Variants in FAM124A observed in about 807,000 individuals in gnomAD.
FAM124A encodes protein FAM124A.
In FAM124A, 23 loss-of-function variants were observed where a neutral mutation model predicts 24.5. The observed-to-expected ratio is 0.94, with a 90% CI of 0.68 to 1.33. The LOEUF (loss-of-function observed/expected upper bound fraction) is 1.33, where lower values mean the gene tolerates loss of function less well. FAM124A is among the 40% of genes most tolerant of loss of function. The pLI is 0.00. For missense variants in FAM124A, 623 were observed against 722.8 expected, an observed-to-expected ratio of 0.86 and a Z score of 1.58; for synonymous variants, 287 against 314.7, an observed-to-expected ratio of 0.91 and a Z score of 0.93.
intron 3 of FAM124A, among the ~76,000 whole-genome samples, chr13:51,275,832 C>G (rs1954881295): frequency 6.6e-6 from 1 of 152,232 alleles, no homozygotes; most frequent in African/African-American, 2.4e-5. Context: ...AAGCCGCAAA[C>G]ATGCTCATGC....
chr13:51,271,112 A>G lies in FAM124A; in HGVS notation c.835-9338A>G, dbSNP rs145699115. Reference sequence around the variant, plus strand: ...GGTTAATTGAAAGGACAAGTTCAACATACTTTAGCCAAGATAATTGTATAC... The same window carrying G: ...GGTTAATTGAAAGGACAAGTTCAACGTACTTTAGCCAAGATAATTGTATAC... On this transcript the variant is annotated intron_variant, in intron 3 of 3. Transcript: ENST00000322475. Among the ~76,000 whole-genome samples the G allele has an allele frequency of 2.6e-3, 398 of 152,384 alleles. 2 individuals carry two copies. Among genetic ancestry groups the G allele is most frequent in the South Asian group, 9.1e-3 (44 of 4,828 alleles).
chr13:51,251,556 G>A lies in FAM124A; in HGVS notation c.189G>A (p.Glu63=). ...CAGGGGAGTCCCAGCCCCTGCAGGA[G>A]GCCATCGACAACGTCCTGGCGTGGA... ...ADPGESQPLQ[E]AIDNVLAWIH... Residue 63 remains glutamate (E), a synonymous_variant, in exon 3 of 4, where the codon GAG becomes GAA. Transcript: ENST00000322475. This position sits in a 1 kb window ranked among gnomAD's most constrained non-coding sequence, Gnocchi z 5.3. 1 of 1,533,110 alleles carries A rather than the reference G, an allele frequency of 6.5e-7. No homozygotes were observed. The highest frequency in any genetic ancestry group is 8.8e-7 in the Non-Finnish European group (1 of 1,138,420). 95.0% of individuals were successfully genotyped at this position (1,533,110 alleles called of 1,614,324 possible). A position where few individuals can be genotyped will look rare whatever the true frequency, so the allele number is the denominator to read the frequency against.
intron 3 of FAM124A, among the ~76,000 whole-genome samples, chr13:51,274,558 A>G (rs1295618329): frequency 2.6e-5 from 4 of 152,168 alleles, no homozygotes; most frequent in Non-Finnish European, 5.9e-5. Context: ...AGATGTTGCT[A>G]CTGCTTTTCC....
rs1954928370 is a variant in FAM124A, at chr13:51,280,742, C to G, written c.1127C>G (p.Ser376Ter). 1.2e-6 allele frequency: 2 copies of G among 1,614,222 alleles called. No individual in the cohort carries two copies. The highest frequency in any genetic ancestry group is 1.7e-6 in the Non-Finnish European group (2 of 1,180,034). ...LPTGGPSLASSAEPQWFSNTG... is the reference protein window; with the variant it reads ...LPTGGPSLAS ...ACGGGAGGCCCCTCCCTGGCCTCCT[C>G]AGCTGAACCACAGTGGTTTTCAAAC... The change falls in exon 4 of 4, where the codon TCA becomes TGA. Residue 376 changes from serine (S) to a stop codon, truncating the protein, a stop_gained. Coordinates refer to ENST00000322475, the MANE Select transcript of FAM124A (RefSeq NM_001242312.2). LOFTEE classifies it low-confidence loss of function (END_TRUNC).
In FAM124A at chr13:51,239,778, G is replaced by T. The variant is rs193082686; in HGVS notation, c.100+8399G>T. On this transcript the variant is annotated intron_variant, in intron 2 of 3. Coordinates refer to ENST00000322475, the MANE Select transcript of FAM124A (RefSeq NM_001242312.2). ...CTCTCCCACAGACATGGATGAGAGT[G>T]TCATAAAAATTGTGATTTTATGTAC... 1.4e-3 allele frequency among the ~76,000 whole-genome samples: 220 copies of T among 152,306 alleles called. 1 individual carries two copies. The highest frequency in any genetic ancestry group is 5.1e-3 in the African/African-American group (211 of 41,576).
intron 3 of FAM124A, among the ~76,000 whole-genome samples, chr13:51,277,153 G>C (rs1483510159): frequency 6.6e-6 from 1 of 152,126 alleles, no homozygotes; most frequent in East Asian, 1.9e-4. Context: ...ACTATAAAAA[G>C]GAATGAAATC....
At chr13:51,275,987 A>C (rs1954882705) in intron 3 of FAM124A, among the ~76,000 whole-genome samples, 3 of 152,242 alleles carry the variant, frequency 2.0e-5, no homozygotes, top group Non-Finnish European at 2.9e-5. Flanking sequence ...CTCTAAGTGC[A>C]CAGACACTGG....
chr13:51,267,260 G>A (rs1210425296), intron 3 of FAM124A, among the ~76,000 whole-genome samples: 1 of 152,062 alleles, frequency 6.6e-6, no homozygotes, highest in Non-Finnish European at 1.5e-5. Context: ...ACCCTCCTGT[G>A]GAAGAAATGA....
At chr13:51,232,957 T>C (rs17252076) in intron 2 of FAM124A, among the ~76,000 whole-genome samples, 18,643 of 152,218 alleles carry the variant, frequency 0.12, 1,339 homozygotes, top group East Asian at 0.27. Flanking sequence ...GGAATTTCTA[T>C]TAGTGCAGCT....
At chr13:51,243,258 T>TA (rs1954519620) in intron 2 of FAM124A, among the ~76,000 whole-genome samples, 1 of 152,068 alleles carries the variant, frequency 6.6e-6, no homozygotes, top group Admixed American at 6.5e-5. Flanking sequence ...ATTGGTGGAG[T>TA]AAGGGAGTTG....
chr13:51,278,211 T>C (rs1954902466), intron 3 of FAM124A, among the ~76,000 whole-genome samples: 1 of 152,138 alleles, frequency 6.6e-6, no homozygotes, highest in Non-Finnish European at 1.5e-5. Context: ...AGGGGGAGGC[T>C]TCCATGCGAG....
chr13:51,249,285 T>G (rs1021057871), intron 2 of FAM124A, among the ~76,000 whole-genome samples: 1 of 152,208 alleles, frequency 6.6e-6, no homozygotes, highest in Admixed American at 6.5e-5. Context: ...TAAGTTGGAA[T>G]TGCTCTATGC....
intron 3 of FAM124A, among the ~76,000 whole-genome samples, chr13:51,259,851 T>A (rs1288549058): frequency 6.6e-6 from 1 of 152,012 alleles, no homozygotes; most frequent in Non-Finnish European, 1.5e-5. Context: ...CTGGCACATG[T>A]TAGACACCCA....
At chr13:51,242,439 G>C (rs956452807) in intron 2 of FAM124A, among the ~76,000 whole-genome samples, 2 of 152,170 alleles carry the variant, frequency 1.3e-5, no homozygotes, top group African/African-American at 2.4e-5. Flanking sequence ...CAAAGTCCTT[G>C]CAGTCCCAGG....
rs1954947074 is a variant in FAM124A, at chr13:51,282,204, TGCTGGGTC to T, written c.*949_*956del. 6.6e-6 allele frequency: 1 copy of T among 152,260 alleles called. No homozygotes were observed. The highest frequency in any genetic ancestry group is 2.4e-5 in the African/African-American group (1 of 41,468). 9.4% of individuals were successfully genotyped at this position (152,260 alleles called of 1,614,324 possible). ...TGTATACTGCTTTCTGCAGTGACCATGCTGGGTCACGCATCCTATGTTTCTCATTTTTA... is the reference window on the plus strand; with the variant it reads ...TGTATACTGCTTTCTGCAGTGACCATACGCATCCTATGTTTCTCATTTTTA... On this transcript the variant is annotated 3_prime_UTR_variant, in exon 4 of 4. Transcript: ENST00000322475.
At chr13:51,231,323 C>G in intron 1 of FAM124A, 25 bp from the exon 2 acceptor site, 1 of 1,613,692 alleles carries the variant, frequency 6.2e-7, no homozygotes, top group African/African-American at 1.3e-5. Flanking sequence ...AAGAATTCTA[C>G]TAACGCTGAG....
intron 2 of FAM124A, among the ~76,000 whole-genome samples, chr13:51,249,152 C>T (rs971057531): frequency 6.6e-6 from 1 of 152,174 alleles, no homozygotes; most frequent in East Asian, 1.9e-4. Flanking sequence ...TCCTAATCTC[C>T]TCAGCATTTG....
rs757466454 is a variant in FAM124A, at chr13:51,280,957, G to T, written c.1342G>T (p.Glu448Ter). ...CACAGTGGAGACACCCCTCCCCTCC[G>T]AAAGATGCAGCAGCCACTGGGCAGC... ...CSTVETPLPSERCSSHWAAHK... is the reference protein window; with the variant it reads ...CSTVETPLPS The change falls in exon 4 of 4, where the codon GAA becomes TAA. Residue 448 changes from glutamate to a stop codon, truncating the protein, a stop_gained. Coordinates refer to ENST00000322475, the MANE Select transcript of FAM124A (RefSeq NM_001242312.2). LOFTEE classifies it low-confidence loss of function (END_TRUNC). 6.2e-7 allele frequency: 1 copy of T among 1,613,994 alleles called. No individual in the cohort carries two copies. The highest frequency in any genetic ancestry group is 8.5e-7 in the Non-Finnish European group (1 of 1,179,970).
In FAM124A at chr13:51,260,982, C is replaced by T. The variant is rs570562260; in HGVS notation, c.834+8781C>T. On this transcript the variant is annotated intron_variant, in intron 3 of 3. Coordinates refer to ENST00000322475, the MANE Select transcript of FAM124A (RefSeq NM_001242312.2). ...TTGATTACCACCACCTAAGACACGG[C>T]CACTTTTTAAAATATTTGTAGTTTA... Among the ~76,000 whole-genome samples the T allele has an allele frequency of 3.3e-5, 5 of 152,274 alleles. No homozygotes were observed. In the East Asian group the frequency reaches 7.7e-4, roughly 23 times the overall value.
Sources: gnomAD v4.1 joint callset for allele counts (sites outside exome capture counted in the v4.1 genomes callset) on GRCh38, gnomAD v4.1.1 for gene constraint, Gnocchi (gnomAD v3.1) non-coding constraint, MANE v1.5 for transcripts, NCBI Gene and HGNC (gene_info 2026-07-23, HGNC 2026-07-21) for gene names.